PPFIBP2: variants seen among roughly 807,000 people sequenced by gnomAD.
PPFIBP2 encodes liprin-beta-2.
PPFIBP2 carries 118 observed loss-of-function variants against 118.3 expected under a neutral mutation model. The ratio of observed to expected loss-of-function variants is 1.00; its 90% CI spans 0.86 to 1.16. The LOEUF (loss-of-function observed/expected upper bound fraction) is 1.16. Among genes scored for constraint, PPFIBP2 ranks in the 50% most tolerant of loss-of-function variants. PPFIBP2 has a pLI of 0.00. For synonymous variants in PPFIBP2, 414 were observed against 397.4 expected (o/e 1.04, Z -0.50); for missense variants, 1,195 against 1,073.1 (o/e 1.11, Z -1.59).
rs143025301 is a variant in PPFIBP2 at position 7,624,635 on chromosome 11, C to T, written c.712-1142C>T. Among the ~76,000 whole-genome samples, 144 of 152,334 alleles carry T rather than the reference C, an allele frequency of 9.5e-4. 1 individual carries two copies. Among genetic ancestry groups the T allele is most frequent in the African/African-American group, 3.3e-3 (136 of 41,580 alleles). Reference sequence around the variant, plus strand: ...TGCTGTCTTTTATTGACCGGCTCCACGGTCGATGCTCATCCCTTTTCTTAC... The same window carrying T: ...TGCTGTCTTTTATTGACCGGCTCCATGGTCGATGCTCATCCCTTTTCTTAC... On this transcript the variant is annotated intron_variant, in intron 7 of 23. Transcript: ENST00000299492.
At chr11:7,655,711 G>A (rs972982702), downstream of PPFIBP2, among the ~76,000 whole-genome samples, 5 of 152,086 alleles carry the variant, frequency 3.3e-5, no homozygotes, top group South Asian at 2.1e-4. Context: ...GCCCCTAAGG[G>A]CAGTGGGGAG....
chr11:7,595,890 C>A (rs916184933), intron 4 of PPFIBP2, among the ~76,000 whole-genome samples: 2 of 118,374 alleles, frequency 1.7e-5, no homozygotes, highest in African/African-American at 6.9e-5. Flanking sequence ...GGATTTTTAT[C>A]CTTTTTTTTT....
chr11:7,514,133 C>T lies in PPFIBP2; in HGVS notation c.-37+12C>T, dbSNP rs770480564. 11 of 152,314 alleles carry T rather than the reference C, an allele frequency of 7.2e-5. No individual in the cohort carries two copies. The highest frequency in any genetic ancestry group is 1.5e-4 in the Non-Finnish European group (10 of 68,138). 9.4% of individuals were successfully genotyped at this position (152,314 alleles called of 1,614,324 possible). A position where few individuals can be genotyped will look rare whatever the true frequency, so the allele number is the denominator to read the frequency against. On this transcript the variant is annotated intron_variant, in intron 1 of 23. Transcript: ENST00000299492. ...GGCCCCGTACCCAGGTCAGTGGGCT[C>T]TCCCCACACCCCGGGCTTGCCGCGC...
chr11:7,564,691 G>T (rs763122566), intron 2 of PPFIBP2, among the ~76,000 whole-genome samples: 32 of 152,194 alleles, frequency 2.1e-4, no homozygotes, highest in Admixed American at 6.5e-5. Flanking sequence ...GGCTCATGGG[G>T]GCTTGGAAGA....
At chr11:7,552,344 TA>T (rs1206796660) in intron 2 of PPFIBP2, among the ~76,000 whole-genome samples, 1 of 152,232 alleles carries the variant, frequency 6.6e-6, no homozygotes, top group Non-Finnish European at 1.5e-5. Context: ...AATGAGGGAC[TA>T]AAAATAATCT....
Position 7,641,592 on chromosome 11 carries a change from C to G in PPFIBP2, c.1489C>G (p.Pro497Ala). The G allele has an allele frequency of 1.2e-6, 2 of 1,613,990 alleles. No homozygotes were observed. Among genetic ancestry groups the G allele is most frequent in the Non-Finnish European group, 8.5e-7 (1 of 1,179,852 alleles). The change falls in exon 16 of 24, where the codon CCC becomes GCC. Residue 497 changes from proline (P) to alanine (A), a missense_variant. Physicochemically the swap from Pro to Ala is conservative, Grantham distance 27 (BLOSUM62 -1). Coordinates refer to ENST00000299492, the MANE Select transcript of PPFIBP2 (RefSeq NM_003621.5). Reference protein sequence around the residue: ...SPLTPDGKRNPKGIKKFWGKI... With the variant: ...SPLTPDGKRNAKGIKKFWGKI... ...TCTGACACCAGATGGTAAACGGAAT[C>G]CCAAAGGCATTAAGAAGTTCTGGGG...
At chr11:7,518,966 TA>T (rs556435427) in intron 1 of PPFIBP2, among the ~76,000 whole-genome samples, 2 of 152,000 alleles carry the variant, frequency 1.3e-5, no homozygotes, top group East Asian at 3.9e-4. Context: ...GGAGGACAGA[TA>T]GGGGCGTAAG....
intron 5 of PPFIBP2, 92 bp from the exon 6 acceptor site, chr11:7,610,199 A>T (rs749599498): frequency 1.5e-5 from 22 of 1,451,416 alleles, no homozygotes; most frequent in African/African-American, 2.8e-5. Flanking sequence ...TGAACACACA[A>T]CTTAGGTGTT....
At chr11:7,575,077 T>A (rs1427890159) in intron 3 of PPFIBP2, among the ~76,000 whole-genome samples, 5 of 152,156 alleles carry the variant, frequency 3.3e-5, no homozygotes, top group African/African-American at 1.2e-4. Flanking sequence ...GTCTTTTCCT[T>A]TTTGTGTCGA....
chr11:7,653,212 T>A lies in PPFIBP2; in HGVS notation c.2625T>A (p.Ile875=). ...ATGGGCTGGACCAGGTGGGACAGATTAGCTGATGCCCTTGTCACCTGCCCT... is the reference window on the plus strand; with the variant it reads ...ATGGGCTGGACCAGGTGGGACAGATAAGCTGATGCCCTTGTCACCTGCCCT... ...ELDGLDQVGQ[I]S is the part of the protein sequence containing the mutation. The change falls in exon 24 of 24, where the codon ATT becomes ATA. Residue 875 remains isoleucine, a synonymous_variant. Coordinates refer to ENST00000299492, the MANE Select transcript of PPFIBP2 (RefSeq NM_003621.5). The A allele has an allele frequency of 6.2e-7, 1 of 1,614,146 alleles. No homozygotes were observed. The highest frequency in any genetic ancestry group is 8.5e-7 in the Non-Finnish European group (1 of 1,180,032).
intron 4 of PPFIBP2, among the ~76,000 whole-genome samples, chr11:7,595,002 G>T (rs11041472): frequency 0.37 from 56,674 of 151,340 alleles, 10,648 homozygotes; most frequent in East Asian, 0.44. Context: ...TGGTAAGAAC[G>T]CTGGAAAAAA....
At chr11:7,655,204 G>A (rs914506551), downstream of PPFIBP2, among the ~76,000 whole-genome samples, 3 of 152,196 alleles carry the variant, frequency 2.0e-5, no homozygotes, top group Non-Finnish European at 4.4e-5. Flanking sequence ...TGGGGCCCCA[G>A]GAGAGGTATG....
At chr11:7,631,919 A>T (rs186474361) in intron 11 of PPFIBP2, among the ~76,000 whole-genome samples, 1 of 152,314 alleles carries the variant, frequency 6.6e-6, no homozygotes, top group Admixed American at 6.5e-5. Flanking sequence ...AGGTATTTAA[A>T]ACTATACTAT....
intron 1 of PPFIBP2, among the ~76,000 whole-genome samples, chr11:7,516,650 T>C (rs1849252067): frequency 6.6e-6 from 1 of 151,996 alleles, no homozygotes; most frequent in South Asian, 2.1e-4. Flanking sequence ...AGGCAGGGGT[T>C]TTATAGTTTC....
chr11:7,617,056 G>T, intron 6 of PPFIBP2: 1 of 908,960 alleles, frequency 1.1e-6, no homozygotes, highest in Non-Finnish European at 1.3e-6. Flanking sequence ...GGAGTTCTGC[G>T]TCTGAGAGCT....
Position 7,648,382 on chromosome 11 carries a change from C to T in PPFIBP2, c.1647-5C>T, listed in dbSNP as rs1337936805. The T allele has an allele frequency of 1.2e-6, 2 of 1,608,572 alleles. No individual in the cohort carries two copies. The highest frequency in any genetic ancestry group is 2.7e-5 in the African/African-American group (2 of 74,838). The stretch of plus-strand genomic sequence containing the variant: ...ACAGGAATATGCTGTTTTCCTGCTT[C>T]CCAGTGACGCCAATGCCCCCTTTGC... On this transcript the variant is annotated splice_polypyrimidine_tract_variant and splice_region_variant and intron_variant, in intron 17 of 23. Transcript: ENST00000299492.
At chr11:7,640,028 C>T (rs55990162) in intron 15 of PPFIBP2, among the ~76,000 whole-genome samples, 158 bp downstream of exon 15, 145,880 of 152,130 alleles carry the variant, frequency 0.96, 69,976 homozygotes, top group East Asian at 1. Flanking sequence ...CCCACCTCCC[C>T]AGAGGCTCCC....
At chr11:7,538,941 C>G (rs35250525) in intron 1 of PPFIBP2, among the ~76,000 whole-genome samples, 9,641 of 152,168 alleles carry the variant, frequency 0.063, 473 homozygotes, top group Admixed American at 0.16. Context: ...AAACAAGGAA[C>G]CTTGTATGCG....
intron 3 of PPFIBP2, 76 bp from the exon 4 acceptor site, chr11:7,593,056 C>A (rs1859634767): frequency 6.4e-7 from 1 of 1,570,028 alleles, no homozygotes. Context: ...TTACATGCAT[C>A]CCTTATTTCA....
Sources: gnomAD v4.1 joint callset for allele counts (sites outside exome capture counted in the v4.1 genomes callset) on GRCh38, gnomAD v4.1.1 for gene constraint, MANE v1.5 for transcripts, NCBI Gene and HGNC (gene_info 2026-07-23, HGNC 2026-07-21) for gene names.